The following STS variants were observed in gnomAD, a reference collection of about 807,000 sequenced individuals.
The protein encoded by STS is steroid sulfatase, also known as steryl-sulfatase.
A neutral mutation model predicts 26.8 loss-of-function variants in STS; 7 were observed. The observed-to-expected ratio is 0.26, with a 90% CI of 0.15 to 0.49. STS has a LOEUF of 0.49. Ranked by LOEUF, STS falls within the 20% of genes least tolerant of loss-of-function variation. The probability of loss-of-function intolerance (pLI) is 0.98; values close to 1 mark genes in which losing one functional copy is unlikely to be tolerated. For missense variants in STS, 434 were observed against 465.6 expected (o/e 0.93, Z 0.63); for synonymous variants, 199 against 189.4 (o/e 1.05, Z -0.42).
At chrX:7,182,955 T>G (rs1377023316) in intron 1 of STS, among the ~76,000 whole-genome samples, 4 of 110,785 alleles carry the variant, frequency 3.6e-5, no homozygotes, top group African/African-American at 6.6e-5. Context: ...CATGCTGGAG[T>G]AGGGTGGGCC....
intron 8 of STS, among the ~76,000 whole-genome samples, chrX:7,307,405 G>A (rs895908900): frequency 8.1e-5 from 9 of 111,309 alleles, no homozygotes; most frequent in East Asian, 2.8e-4. Context: ...CATCCACACC[G>A]AGGTTTTGCA....
At chrX:7,265,693 C>T (rs1284063288) in intron 6 of STS, among the ~76,000 whole-genome samples, 1 of 110,885 alleles carries the variant, frequency 9.0e-6, no homozygotes, top group Admixed American at 9.5e-5. Flanking sequence ...GGAGCACTCA[C>T]AGCATGGTTA....
Position 7,150,585 on chromosome X carries a change from A to G in STS, c.-134+2502A>G, listed in dbSNP as rs1172986614. On this transcript the variant is annotated intron_variant, in intron 1 of 10. Transcript: ENST00000674429. ...CATTTTGACGAAATGGCAAAGCCTCACAGCGATTGTGGAAGAGACAGATTG... is the reference window on the plus strand; with the variant it reads ...CATTTTGACGAAATGGCAAAGCCTCGCAGCGATTGTGGAAGAGACAGATTG... Among the ~76,000 whole-genome samples the G allele has an allele frequency of 2.0e-4, 22 of 112,362 alleles. No homozygotes were observed. The Admixed American group carries it at 2.1e-3, about 11-fold the overall frequency.
In STS at chrX:7,325,493, G is replaced by C. The variant is rs781652320; in HGVS notation, c.1236G>C (p.Glu412Asp). 6 of 1,211,030 alleles carry C rather than the reference G, an allele frequency of 5.0e-6. No individual in the cohort carries two copies. The South Asian group carries it at 7.0e-5, about 14-fold the overall frequency. The change falls in exon 9 of 11, where the codon GAG becomes GAC. Residue 412 changes from glutamate to aspartate, a missense_variant. This residue lies in a region of STS where 205 missense variants were observed against 177.3 expected (regional missense o/e 1.16). Coordinates refer to ENST00000674429, the MANE Select transcript of STS (RefSeq NM_001320752.2). Reference protein sequence around the residue: ...VAKLAGAPLPEDRIIDGRDLM... With the variant: ...VAKLAGAPLPDDRIIDGRDLM... The stretch of plus-strand genomic sequence containing the variant: ...AGCTGGCTGGAGCTCCCTTGCCTGA[G>C]GACAGGTACTCTGATGCCAGGGTGG...
At chrX:7,219,263 G>A (rs886723607) in intron 2 of STS, among the ~76,000 whole-genome samples, 2 of 111,804 alleles carry the variant, frequency 1.8e-5, no homozygotes, top group African/African-American at 3.3e-5. Context: ...CCTGCTGTAA[G>A]TTTCATAACA....
chrX:7,208,116 G>T (rs975240482), intron 2 of STS, among the ~76,000 whole-genome samples: 6 of 112,603 alleles, frequency 5.3e-5, no homozygotes, highest in Non-Finnish European at 5.6e-5. Context: ...AATAGCATTT[G>T]CCGTGGTATT....
At chrX:7,274,968 G>A (rs894458043) in intron 6 of STS, among the ~76,000 whole-genome samples, 7 of 111,988 alleles carry the variant, frequency 6.3e-5, no homozygotes, top group Non-Finnish European at 1.1e-4. Flanking sequence ...TAAAAAGAAC[G>A]TAATGCTGTC....
intron 2 of STS, among the ~76,000 whole-genome samples, chrX:7,240,533 GTATATATA>G (rs58524417): frequency 1.5e-4 from 9 of 60,570 alleles, no homozygotes; most frequent in Non-Finnish European, 2.4e-4. Context: ...GTGTGTGTGT[GTATATATA>G]TATATATATA....
chrX:7,330,656 T>A lies in STS; in HGVS notation c.1242-3330T>A, dbSNP rs188504943. Among the ~76,000 whole-genome samples the A allele has an allele frequency of 4.5e-5, 5 of 112,331 alleles. No individual in the cohort carries two copies. The Admixed American group carries it at 4.7e-4, about 11-fold the overall frequency. ...TACAGTTGAGCCACTAGAGAAGACC[T>A]TTTCAATAGAGTGATACAGATGAAA... is the stretch of plus-strand genomic sequence containing the variant. On this transcript the variant is annotated intron_variant, in intron 9 of 10. Coordinates refer to ENST00000674429, the MANE Select transcript of STS (RefSeq NM_001320752.2).
intron 1 of STS, among the ~76,000 whole-genome samples, chrX:7,163,235 C>T (rs1933285811): frequency 8.9e-6 from 1 of 111,768 alleles, no homozygotes; most frequent in Non-Finnish European, 1.9e-5. Context: ...CACCTCCCAC[C>T]CACTGCTAAG....
intron 2 of STS, among the ~76,000 whole-genome samples, chrX:7,237,376 C>G (rs1922372394): frequency 9.0e-6 from 1 of 111,377 alleles, no homozygotes; most frequent in Admixed American, 9.6e-5. Flanking sequence ...TCTCGAACTC[C>G]TGGCCTCAAG....
At chrX:7,295,256 T>G (rs1274460478) in intron 7 of STS, among the ~76,000 whole-genome samples, 2 of 111,369 alleles carry the variant, frequency 1.8e-5, no homozygotes, top group African/African-American at 6.5e-5. Flanking sequence ...CATGGCCCAA[T>G]TATAGCTCAG....
intron 7 of STS, among the ~76,000 whole-genome samples, chrX:7,278,502 G>T (rs1479401040): frequency 8.9e-6 from 1 of 112,042 alleles, no homozygotes; most frequent in African/African-American, 3.2e-5. Flanking sequence ...CTCTAAGCCT[G>T]GAAAGGCATA....
chrX:7,309,340 A>T (rs765374523), intron 8 of STS, among the ~76,000 whole-genome samples: 21 of 110,800 alleles, frequency 1.9e-4, no homozygotes, highest in Non-Finnish European at 3.6e-4. Flanking sequence ...GAGCTAAATG[A>T]TGAGAACTTA....
At chrX:7,299,972 G>T (rs1459845928) in intron 7 of STS, among the ~76,000 whole-genome samples, 2 of 111,706 alleles carry the variant, frequency 1.8e-5, no homozygotes, top group East Asian at 5.6e-4. Flanking sequence ...TTCTCTCTCT[G>T]CACTTTGTAG....
intron 8 of STS, among the ~76,000 whole-genome samples, chrX:7,323,868 G>C (rs1026688959): frequency 5.4e-5 from 6 of 110,875 alleles, no homozygotes; most frequent in African/African-American, 1.6e-4. Context: ...GCCCTTCTCT[G>C]CCTTTAAAGT....
chrX:7,318,587 T>A (rs1415352887), intron 8 of STS, among the ~76,000 whole-genome samples: 1 of 111,921 alleles, frequency 8.9e-6, no homozygotes, highest in African/African-American at 3.3e-5. Flanking sequence ...TATGGATACA[T>A]TTCTTTAGGA....
At chrX:7,256,642 C>G (rs1322956620) in intron 3 of STS, among the ~76,000 whole-genome samples, 1 of 111,463 alleles carries the variant, frequency 9.0e-6, no homozygotes, top group African/African-American at 3.3e-5. Context: ...AGAGTGAAGC[C>G]TCATCCTCAT....
intron 10 of STS, among the ~76,000 whole-genome samples, chrX:7,338,280 G>C (rs1928121419): frequency 9.0e-6 from 1 of 111,669 alleles, no homozygotes; most frequent in Non-Finnish European, 1.9e-5. Context: ...TGGATACTTG[G>C]CTCCAGGATT....
Sources: gnomAD v4.1 joint callset for allele counts (sites outside exome capture counted in the v4.1 genomes callset) on GRCh38, gnomAD v4.1.1 for gene constraint, gnomAD v4.1.1 regional missense constraint, MANE v1.5 for transcripts, NCBI Gene and HGNC (gene_info 2026-07-23, HGNC 2026-07-21) for gene names.